The following CHAC2 variants were observed in gnomAD, a reference collection of about 807,000 sequenced individuals.
CHAC2 encodes glutathione-specific gamma-glutamylcyclotransferase 2.
Under a neutral mutation model 16.9 loss-of-function variants are expected in CHAC2, and 20 were observed. That is an observed-to-expected ratio of 1.18 (90% confidence interval 0.83 to 1.72). The LOEUF (loss-of-function observed/expected upper bound fraction) is 1.72. CHAC2 is among the 40% of genes most tolerant of loss of function. The pLI, the probability that CHAC2 is intolerant of heterozygous loss-of-function variation, is 0.00. For missense variants in CHAC2, 269 were observed against 222.2 expected, an observed-to-expected ratio of 1.21 and a Z score of -1.34; for synonymous variants, 91 against 77.3, an observed-to-expected ratio of 1.18 and a Z score of -0.93.
rs770856317 is a variant in CHAC2 at position 53,774,419 on chromosome 2, A to C, written c.449A>C (p.Asn150Thr). 2 of 1,612,608 alleles carry C rather than the reference A, an allele frequency of 1.2e-6. No homozygotes were observed. The highest frequency in any genetic ancestry group is 2.2e-5 in the South Asian group (2 of 90,298). ...ACAGAATATCTTTTTGAACTTGCAAATTCTATTAGGAACCTTGTGCCAGAA... is the reference window on the plus strand; with the variant it reads ...ACAGAATATCTTTTTGAACTTGCAACTTCTATTAGGAACCTTGTGCCAGAA... ...RNTEYLFELA[N>T]SIRNLVPEEA... The change falls in exon 3 of 3, where the codon AAT (asparagine) becomes ACT (threonine). Residue 150 changes from asparagine (N) to threonine (T), a missense_variant. Asn to Thr is a moderately conservative substitution (Grantham distance 65). Transcript: ENST00000295304.
In CHAC2 at chr2:53,774,646, A is replaced by G. The variant is rs954054811; in HGVS notation, c.*121A>G. 2 of 718,516 alleles carry G rather than the reference A, an allele frequency of 2.8e-6. No individual in the cohort carries two copies. The highest frequency in any genetic ancestry group is 3.7e-5 in the African/African-American group (2 of 54,622). The allele number at this position is 718,516 out of a possible 1,614,324, so 44.5% of individuals were successfully genotyped here. On this transcript the variant is annotated 3_prime_UTR_variant, in exon 3 of 3. Coordinates refer to ENST00000295304, the MANE Select transcript of CHAC2 (RefSeq NM_001008708.4). ...ATTTAAACTTTTATTTTAACTGGAA[A>G]TGTCCTGAAACACATATTTAAAATA...
At chr2:53,770,037 T>G (rs1233468974) in intron 1 of CHAC2, among the ~76,000 whole-genome samples, 1 of 152,234 alleles carries the variant, frequency 6.6e-6, no homozygotes, top group African/African-American at 2.4e-5. Context: ...ACAGTAGCTA[T>G]GCATAAATAA....
intron 1 of CHAC2, among the ~76,000 whole-genome samples, chr2:53,769,745 G>T (rs1433755008): frequency 6.6e-6 from 1 of 152,232 alleles, no homozygotes; most frequent in African/African-American, 2.4e-5. Context: ...CTACTCTGGA[G>T]GCTGAGGCAG....
chr2:53,771,438 G>C (rs746695960), intron 1 of CHAC2, among the ~76,000 whole-genome samples: 45 of 152,122 alleles, frequency 3.0e-4, no homozygotes, highest in African/African-American at 9.9e-4. Flanking sequence ...GCTTGAGCCC[G>C]AGAGTTGGAG....
chr2:53,768,215 G>T lies in CHAC2; in HGVS notation c.135+194G>T, dbSNP rs1277909038. On this transcript the variant is annotated intron_variant, in intron 1 of 2. Transcript: ENST00000295304. ...CTAACCCAGCCCGGGCACTCCTTCC[G>T]AAGCTGCTTAAGATGCCGGTGGTTA... 16 of 621,100 alleles carry T rather than the reference G, an allele frequency of 2.6e-5. No individual in the cohort carries two copies. The East Asian group carries it at 4.7e-4, about 18-fold the overall frequency. The allele number at this position is 621,100 out of a possible 1,614,324, so 38.5% of individuals were successfully genotyped here. A position where few individuals can be genotyped will look rare whatever the true frequency, so the allele number is the denominator to read the frequency against.
chr2:53,769,834 T>C (rs988800110), intron 1 of CHAC2, among the ~76,000 whole-genome samples: 2 of 152,146 alleles, frequency 1.3e-5, no homozygotes, highest in African/African-American at 2.4e-5. Flanking sequence ...AAGAGTGAAA[T>C]TCCGTCTCAA....
chr2:53,772,816 C>A (rs1223025687), intron 2 of CHAC2, among the ~76,000 whole-genome samples: 1 of 152,074 alleles, frequency 6.6e-6, no homozygotes, highest in East Asian at 1.9e-4. Context: ...CAGGTATTAA[C>A]ATTAAGCCTA....
rs1255869119 is a variant in CHAC2 at position 53,774,346 on chromosome 2, G to A, written c.376G>A (p.Asp126Asn). ...TTATCTTGGTCCTGCACCTCTGGAA[G>A]ACATTGCTGAACAAATTTTTAATGC... is the stretch of plus-strand genomic sequence containing the variant. ...PDYLGPAPLE[D>N]IAEQIFNAAG... The change falls in exon 3 of 3, where the codon GAC becomes AAC. Residue 126 changes from aspartate to asparagine, a missense_variant. Coordinates refer to ENST00000295304, the MANE Select transcript of CHAC2 (RefSeq NM_001008708.4). 1.9e-6 allele frequency: 3 copies of A among 1,613,408 alleles called. No homozygotes were observed. The highest frequency in any genetic ancestry group is 4.5e-5 in the East Asian group (2 of 44,854).
intron 2 of CHAC2, among the ~76,000 whole-genome samples, chr2:53,773,523 C>T (rs1040696850): frequency 6.6e-6 from 1 of 152,012 alleles, no homozygotes; most frequent in Non-Finnish European, 1.5e-5. Flanking sequence ...CTCTGCCACC[C>T]GGGTTCAAGC....
Position 53,774,567 on chromosome 2 carries a change from T to G in CHAC2, c.*42T>G. 1 of 1,390,046 alleles carries G rather than the reference T, an allele frequency of 7.2e-7. No homozygotes were observed. Among genetic ancestry groups the G allele is most frequent in the Non-Finnish European group, 9.7e-7 (1 of 1,035,236 alleles). 86.1% of individuals were successfully genotyped at this position (1,390,046 alleles called of 1,614,324 possible). A position where few individuals can be genotyped will look rare whatever the true frequency, so the allele number is the denominator to read the frequency against. On this transcript the variant is annotated 3_prime_UTR_variant, in exon 3 of 3. Transcript: ENST00000295304. ...TTAACTTCAGTGCACAATGACAATA[T>G]GATTTGGAAATACGTTTACTTAAAG... is the stretch of plus-strand genomic sequence containing the variant.
rs1019011752 is a variant in CHAC2, at chr2:53,767,827, C to A, written c.-60C>A. ...TTACTCGCTTACCGGAGGCTTCAGTCCCCGGCGGCGCGGCGACAGCTAGGG... is the reference window on the plus strand; with the variant it reads ...TTACTCGCTTACCGGAGGCTTCAGTACCCGGCGGCGCGGCGACAGCTAGGG... On this transcript the variant is annotated 5_prime_UTR_variant, in exon 1 of 3. Transcript: ENST00000295304. 6.5e-7 allele frequency: 1 copy of A among 1,550,132 alleles called. No homozygotes were observed. The highest frequency in any genetic ancestry group is 2.4e-5 in the East Asian group (1 of 41,754).
intron 2 of CHAC2, among the ~76,000 whole-genome samples, chr2:53,772,683 C>T (rs2104159985): frequency 6.6e-6 from 1 of 151,614 alleles, no homozygotes; most frequent in South Asian, 2.1e-4. Flanking sequence ...GTATCAATAG[C>T]ACCTGTGTGT....
At chr2:53,772,175 G>T (rs1558574501) in intron 2 of CHAC2, among the ~76,000 whole-genome samples, 1 of 145,854 alleles carries the variant, frequency 6.9e-6, no homozygotes, top group Admixed American at 6.8e-5. Context: ...TGTAGTTTTC[G>T]TTTTTGTGGG....
Position 53,774,244 on chromosome 2 carries a change from G to T in CHAC2, c.274G>T (p.Val92Phe). Reference protein sequence around the residue: ...REKGGYRTTTVIFYPKDPTTK... With the variant: ...REKGGYRTTTFIFYPKDPTTK... Reference sequence around the variant, plus strand: ...AAAAGGAGGCTACAGAACCACAACAGTCATTTTTTATCCAAAAGATCCCAC... The same window carrying T: ...AAAAGGAGGCTACAGAACCACAACATTCATTTTTTATCCAAAAGATCCCAC... The change falls in exon 3 of 3, where the codon GTC becomes TTC. Residue 92 changes from valine (V) to phenylalanine (F), a missense_variant. Coordinates refer to ENST00000295304, the MANE Select transcript of CHAC2 (RefSeq NM_001008708.4). The T allele has an allele frequency of 6.2e-7, 1 of 1,614,096 alleles. No homozygotes were observed. The highest frequency in any genetic ancestry group is 8.5e-7 in the Non-Finnish European group (1 of 1,180,016).
At position 53,774,697 on chromosome 2, in the gene CHAC2, A is replaced by G. The variant is rs934039086; in HGVS notation, c.*172A>G. On this transcript the variant is annotated 3_prime_UTR_variant, in exon 3 of 3. Coordinates refer to ENST00000295304, the MANE Select transcript of CHAC2 (RefSeq NM_001008708.4). Reference sequence around the variant, plus strand: ...TTGGGATACAGTGAAAGAAAAATTCAAATTTTAATAACATAAAGATTTCCT... The same window carrying G: ...TTGGGATACAGTGAAAGAAAAATTCGAATTTTAATAACATAAAGATTTCCT... 1 of 508,524 alleles carries G rather than the reference A, an allele frequency of 2.0e-6. No individual in the cohort carries two copies. The highest frequency in any genetic ancestry group is 3.3e-6 in the Non-Finnish European group (1 of 303,242). The allele number at this position is 508,524 out of a possible 1,614,324, so 31.5% of individuals were successfully genotyped here. A position where few individuals can be genotyped will look rare whatever the true frequency, so the allele number is the denominator to read the frequency against.
At chr2:53,770,498 TAAAAAAAAAA>T (rs76201682) in intron 1 of CHAC2, among the ~76,000 whole-genome samples, 1 of 110,560 alleles carries the variant, frequency 9.0e-6, no homozygotes. Context: ...GAAGTTTATT[TAAAAAAAAAA>T]AAAAAAAAAA....
chr2:53,774,109 T>G, intron 2 of CHAC2, 33 bp from the exon 3 acceptor site: 4 of 1,547,362 alleles, frequency 2.6e-6, no homozygotes, highest in Non-Finnish European at 3.5e-6. Context: ...ATTAGCCTTA[T>G]AATACCAGTG....
Position 53,774,547 on chromosome 2 carries a change from T to C in CHAC2, c.*22T>C. ...ATAATTTAGTCTTCAGAGAATTAACTTCAGTGCACAATGACAATATGATTT... is the reference window on the plus strand; with the variant it reads ...ATAATTTAGTCTTCAGAGAATTAACCTCAGTGCACAATGACAATATGATTT... On this transcript the variant is annotated 3_prime_UTR_variant, in exon 3 of 3. Transcript: ENST00000295304. 6.8e-7 allele frequency: 1 copy of C among 1,481,058 alleles called. No individual in the cohort carries two copies. The highest frequency in any genetic ancestry group is 9.0e-7 in the Non-Finnish European group (1 of 1,106,984). 91.7% of individuals were successfully genotyped at this position (1,481,058 alleles called of 1,614,324 possible). A position where few individuals can be genotyped will look rare whatever the true frequency, so the allele number is the denominator to read the frequency against.
At chr2:53,773,529 C>G (rs931674255) in intron 2 of CHAC2, among the ~76,000 whole-genome samples, 9 of 152,112 alleles carry the variant, frequency 5.9e-5, no homozygotes, top group African/African-American at 1.7e-4. Context: ...CACCCGGGTT[C>G]AAGCAATGCT....
Sources: gnomAD v4.1 joint callset for allele counts (sites outside exome capture counted in the v4.1 genomes callset) on GRCh38, gnomAD v4.1.1 for gene constraint, MANE v1.5 for transcripts, NCBI Gene and HGNC (gene_info 2026-07-23, HGNC 2026-07-21) for gene names.